Variants in TNIK observed in about 807,000 individuals in gnomAD.
TNIK encodes TRAF2 and NCK interacting kinase.
A neutral mutation model predicts 191.3 loss-of-function variants in TNIK; 49 were observed. The observed-to-expected ratio is 0.26, with a 90% CI of 0.20 to 0.32. The LOEUF (loss-of-function observed/expected upper bound fraction) is 0.32. Ranked by LOEUF, TNIK falls within the 10% of genes least tolerant of loss-of-function variation. TNIK has a pLI of 1.00. For synonymous variants in TNIK, 594 were observed against 600.9 expected (o/e 0.99, Z 0.17); for missense variants, 1,155 against 1,702.3 (o/e 0.68, Z 5.66).
intron 4 of TNIK, among the ~76,000 whole-genome samples, chr3:171,207,052 G>A (rs1437369898): frequency 2.6e-5 from 4 of 151,480 alleles, no homozygotes; most frequent in Non-Finnish European, 5.9e-5. Flanking sequence ...GAGAACCATA[G>A]CCCTGACCAA....
At chr3:171,155,383 C>T (rs961394249) in intron 12 of TNIK, among the ~76,000 whole-genome samples, 6 of 152,168 alleles carry the variant, frequency 3.9e-5, no homozygotes, top group African/African-American at 9.7e-5. Context: ...TTCTCCACTG[C>T]GCTATAGAAT....
intron 2 of TNIK, among the ~76,000 whole-genome samples, chr3:171,344,639 C>G (rs891238979): frequency 6.6e-6 from 1 of 152,068 alleles, no homozygotes; most frequent in Non-Finnish European, 1.5e-5. Flanking sequence ...AAACATTGCT[C>G]CAAAATATAA....
intron 3 of TNIK, among the ~76,000 whole-genome samples, chr3:171,215,025 C>T (rs1741294474): frequency 6.6e-6 from 1 of 152,128 alleles, no homozygotes; most frequent in Non-Finnish European, 1.5e-5. Flanking sequence ...TCTCCTTGAA[C>T]CTGGGCTTAG....
intron 27 of TNIK, 100 bp downstream of exon 27, chr3:171,082,151 T>C: frequency 6.8e-7 from 1 of 1,462,986 alleles, no homozygotes; most frequent in Non-Finnish European, 9.2e-7. Flanking sequence ...ATTGTGTTGT[T>C]TGTTAGCTGG....
chr3:171,073,954 T>G (rs1481591151), intron 28 of TNIK, among the ~76,000 whole-genome samples: 8 of 152,054 alleles, frequency 5.3e-5, no homozygotes, highest in Admixed American at 4.6e-4. Flanking sequence ...AGTATGGAGA[T>G]TTCTCAAAGA....
At chr3:171,297,523 G>A (rs180694003) in intron 2 of TNIK, among the ~76,000 whole-genome samples, 53 of 152,048 alleles carry the variant, frequency 3.5e-4, no homozygotes, top group Admixed American at 3.4e-3. Context: ...GTACAGATTG[G>A]GGAAAGGCTG....
chr3:171,161,777 G>A (rs916529440), intron 10 of TNIK, among the ~76,000 whole-genome samples: 5 of 151,836 alleles, frequency 3.3e-5, no homozygotes, highest in Admixed American at 6.6e-5. Flanking sequence ...AAAATTAGCC[G>A]GGCGTGGTGG....
intron 2 of TNIK, among the ~76,000 whole-genome samples, chr3:171,296,972 T>A (rs1352155189): frequency 6.6e-6 from 1 of 151,912 alleles, no homozygotes; most frequent in African/African-American, 2.4e-5. Flanking sequence ...AGAACTTAAT[T>A]TTTTTTCCTT....
chr3:171,102,593 A>C (rs1476420841), intron 21 of TNIK, among the ~76,000 whole-genome samples: 1 of 152,222 alleles, frequency 6.6e-6, no homozygotes, highest in Non-Finnish European at 1.5e-5. Flanking sequence ...CACAGCATGC[A>C]AATGGGGAAA....
chr3:171,120,323 CTT>C (rs397691045), intron 18 of TNIK, among the ~76,000 whole-genome samples: 18 of 136,336 alleles, frequency 1.3e-4, no homozygotes, highest in Non-Finnish European at 1.1e-4. Context: ...TTTTTTCTTT[CTT>C]TTTTTTTTTT....
intron 7 of TNIK, among the ~76,000 whole-genome samples, chr3:171,182,706 A>G (rs778193493): frequency 2.9e-4 from 44 of 152,180 alleles, no homozygotes; most frequent in Non-Finnish European, 3.8e-4. Flanking sequence ...TGAACAGAAC[A>G]AGAAAGCATT....
intron 21 of TNIK, among the ~76,000 whole-genome samples, chr3:171,102,963 A>G (rs1295531140): frequency 6.6e-6 from 1 of 152,200 alleles, no homozygotes; most frequent in Non-Finnish European, 1.5e-5. Flanking sequence ...GGTTCACACT[A>G]GGAAAGGAAA....
chr3:171,271,035 AC>A (rs1273225078), intron 2 of TNIK, among the ~76,000 whole-genome samples: 2 of 151,972 alleles, frequency 1.3e-5, no homozygotes, highest in African/African-American at 2.4e-5. Flanking sequence ...TTTCTCACTC[AC>A]TCTGCATCCT....
At chr3:171,064,474 A>AT (rs1277115489) in intron 32 of TNIK, among the ~76,000 whole-genome samples, 1 of 152,218 alleles carries the variant, frequency 6.6e-6, no homozygotes, top group African/African-American at 2.4e-5. Flanking sequence ...TAAATTTAAG[A>AT]TAAAAACATT....
intron 12 of TNIK, among the ~76,000 whole-genome samples, chr3:171,141,569 A>G (rs1406443195): frequency 6.6e-6 from 1 of 152,244 alleles, no homozygotes; most frequent in East Asian, 1.9e-4. Context: ...ATTTGCAACT[A>G]TCTAAGGACA....
chr3:171,265,006 C>T (rs59741507), intron 2 of TNIK, among the ~76,000 whole-genome samples: 3,345 of 152,234 alleles, frequency 0.022, 114 homozygotes, highest in African/African-American at 0.076. Flanking sequence ...CCTTTCCTTA[C>T]GGAACACCTT....
At chr3:171,371,085 T>C (rs1466465324) in intron 1 of TNIK, among the ~76,000 whole-genome samples, 1 of 152,042 alleles carries the variant, frequency 6.6e-6, no homozygotes, top group Non-Finnish European at 1.5e-5. Context: ...TCTGCAGGGA[T>C]GACATCTACC....
chr3:171,114,549 TTTGA>T (rs1726382240), intron 18 of TNIK, among the ~76,000 whole-genome samples: 1 of 152,190 alleles, frequency 6.6e-6, no homozygotes, highest in East Asian at 1.9e-4. Flanking sequence ...GTCAAAAACA[TTTGA>T]TTGAGTAGAA....
At chr3:171,406,651 G>A (rs1191934682) in intron 1 of TNIK, among the ~76,000 whole-genome samples, 1 of 152,162 alleles carries the variant, frequency 6.6e-6, no homozygotes, top group Admixed American at 6.5e-5. Flanking sequence ...CAGGCTGGAC[G>A]TGAAGTCCTG....
Sources: allele counts gnomAD v4.1 joint callset (sites outside exome capture counted in the v4.1 genomes callset), GRCh38; gene constraint gnomAD v4.1.1; transcripts MANE v1.5; gene names NCBI Gene and HGNC (gene_info 2026-07-23, HGNC 2026-07-21).